The following SORCS2 variants were observed in gnomAD, a reference collection of about 807,000 sequenced individuals.
SORCS2 encodes sortilin related VPS10 domain containing receptor 2.
Under a neutral mutation model 141.6 loss-of-function variants are expected in SORCS2, and 100 were observed. The ratio of observed to expected loss-of-function variants is 0.71; its 90% CI spans 0.60 to 0.83. The LOEUF is 0.83. Among genes scored for constraint, SORCS2 ranks in the 40% least tolerant of loss-of-function variants. The pLI, the probability that SORCS2 is intolerant of heterozygous loss-of-function variation, is 0.00. For synonymous variants in SORCS2, 789 were observed against 676.9 expected (o/e 1.17, Z -2.57); for missense variants, 1,646 against 1,560.2 (o/e 1.05, Z -0.93).
intron 3 of SORCS2, among the ~76,000 whole-genome samples, chr4:7,544,926 G>A (rs1319679718): frequency 6.6e-6 from 1 of 152,194 alleles, no homozygotes; most frequent in Non-Finnish European, 1.5e-5. Flanking sequence ...AACAGAGCTG[G>A]GGCTAAATGG....
intron 1 of SORCS2, among the ~76,000 whole-genome samples, chr4:7,369,335 A>G (rs376038309): frequency 1.1e-3 from 161 of 151,156 alleles, no homozygotes; most frequent in African/African-American, 3.7e-3. Flanking sequence ...CCAAAACACC[A>G]AAAACCTCTT....
intron 2 of SORCS2, among the ~76,000 whole-genome samples, chr4:7,416,815 TAC>T (rs1296596520): frequency 2.7e-5 from 4 of 149,294 alleles, no homozygotes; most frequent in African/African-American, 7.4e-5. Context: ...TGCATGCATG[TAC>T]ACACTTGTGA....
chr4:7,612,377 C>T (rs1475684163), intron 3 of SORCS2, among the ~76,000 whole-genome samples: 1 of 152,322 alleles, frequency 6.6e-6, no homozygotes, highest in Non-Finnish European at 1.5e-5. Flanking sequence ...TCCCAGGCAC[C>T]CTGCCGTGCC....
chr4:7,700,648 T>G lies in SORCS2; in HGVS notation c.1669-2632T>G, dbSNP rs142785556. On this transcript the variant is annotated intron_variant, in intron 12 of 26. Coordinates refer to ENST00000507866, the MANE Select transcript of SORCS2 (RefSeq NM_020777.3). The stretch of plus-strand genomic sequence containing the variant: ...AGGCATTGTGCTTCTCCAAGCACTT[T>G]CCTGAGCTAGCATTAGGACAGAGGA... Among the ~76,000 whole-genome samples the G allele has an allele frequency of 1.4e-4, 22 of 152,356 alleles. No individual in the cohort carries two copies. In the East Asian group the frequency reaches 3.9e-3, roughly 27 times the overall value.
At chr4:7,398,713 A>G (rs1291759946) in intron 2 of SORCS2, among the ~76,000 whole-genome samples, 2 of 152,128 alleles carry the variant, frequency 1.3e-5, no homozygotes, top group Non-Finnish European at 2.9e-5. Context: ...TAGTTTTTCC[A>G]TGTAGTGACA....
At chr4:7,557,747 G>GGGGC (rs1327228079) in intron 3 of SORCS2, among the ~76,000 whole-genome samples, 1 of 152,188 alleles carries the variant, frequency 6.6e-6, no homozygotes, top group Non-Finnish European at 1.5e-5. Context: ...GCCTCTGAAA[G>GGGGC]GGGCAGTGGT....
chr4:7,638,496 A>G lies in SORCS2; in HGVS notation c.813+4A>G. 5 of 1,609,082 alleles carry G rather than the reference A, an allele frequency of 3.1e-6. No individual in the cohort carries two copies. Among genetic ancestry groups the G allele is most frequent in the Non-Finnish European group, 4.2e-6 (5 of 1,178,314 alleles). ...CGCCTACACAAAGGAGAGCAAGGTA[A>G]GATATATGGGTGCCAGTCGCCTGGT... On this transcript the variant is annotated splice_donor_region_variant and intron_variant, in intron 4 of 26. Transcript: ENST00000507866.
intron 2 of SORCS2, among the ~76,000 whole-genome samples, chr4:7,479,860 G>T (rs1730523429): frequency 6.6e-6 from 1 of 152,232 alleles, no homozygotes; most frequent in South Asian, 2.1e-4. Flanking sequence ...GCAATTATTT[G>T]GTACCCACGT....
intron 2 of SORCS2, among the ~76,000 whole-genome samples, chr4:7,489,430 G>C (rs879307231): frequency 6.6e-5 from 10 of 151,758 alleles, no homozygotes; most frequent in Non-Finnish European, 8.8e-5. Context: ...AGTCGTTGCT[G>C]GTGTCTAGGA....
chr4:7,360,162 A>G (rs1225390097), intron 1 of SORCS2, among the ~76,000 whole-genome samples: 1 of 152,136 alleles, frequency 6.6e-6, no homozygotes, highest in African/African-American at 2.4e-5. Flanking sequence ...TGATCCGCCT[A>G]CTCTGTGCCC....
intron 2 of SORCS2, among the ~76,000 whole-genome samples, chr4:7,407,165 T>C (rs1288484679): frequency 6.6e-6 from 1 of 152,102 alleles, no homozygotes; most frequent in African/African-American, 2.4e-5. Flanking sequence ...GGTGAAATGT[T>C]CCATAAATGC....
At chr4:7,555,016 A>C (rs11730831) in intron 3 of SORCS2, among the ~76,000 whole-genome samples, 1 of 152,184 alleles carries the variant, frequency 6.6e-6, no homozygotes. Context: ...TGCTCAGCCC[A>C]GCCGTTCACC....
At position 7,660,251 on chromosome 4, in the gene SORCS2, G is replaced by A. The variant is rs538494032; in HGVS notation, c.888-1249G>A. Among the ~76,000 whole-genome samples the A allele has an allele frequency of 8.5e-5, 13 of 152,334 alleles. No homozygotes were observed. In the South Asian group the frequency reaches 2.5e-3, roughly 29 times the overall value. On this transcript the variant is annotated intron_variant, in intron 5 of 26. Coordinates refer to ENST00000507866, the MANE Select transcript of SORCS2 (RefSeq NM_020777.3). ...CCCAGCAGGGCAATGAAACGGGGAGGGGAGTCAGACAGGGATGAGGTGTGG... is the reference window on the plus strand; with the variant it reads ...CCCAGCAGGGCAATGAAACGGGGAGAGGAGTCAGACAGGGATGAGGTGTGG...
chr4:7,301,902 C>A (rs1204482772), intron 1 of SORCS2, among the ~76,000 whole-genome samples: 1 of 152,194 alleles, frequency 6.6e-6, no homozygotes, highest in Non-Finnish European at 1.5e-5. Flanking sequence ...CAGAGAAACA[C>A]ATCAGTGCCA....
At chr4:7,231,853 T>G (rs2079639892) in intron 1 of SORCS2, among the ~76,000 whole-genome samples, 1 of 152,022 alleles carries the variant, frequency 6.6e-6, no homozygotes. Flanking sequence ...GACAAGGATA[T>G]AAGTGTGGCA....
intron 2 of SORCS2, among the ~76,000 whole-genome samples, chr4:7,496,957 G>A (rs1288519113): frequency 6.6e-6 from 1 of 152,220 alleles, no homozygotes; most frequent in Non-Finnish European, 1.5e-5. Context: ...TTCTGTGATT[G>A]CCTGGCATGT....
chr4:7,690,570 GTGGATAGGCAGA>G (rs1724177201), intron 11 of SORCS2, among the ~76,000 whole-genome samples: 1 of 151,732 alleles, frequency 6.6e-6, no homozygotes, highest in African/African-American at 2.4e-5. Context: ...TGGATGGGTG[GTGGATAGGCAGA>G]TGGATAGGTG....
intron 14 of SORCS2, among the ~76,000 whole-genome samples, chr4:7,707,099 G>A (rs1725520736): frequency 1.3e-5 from 2 of 152,246 alleles, no homozygotes; most frequent in Non-Finnish European, 2.9e-5. Flanking sequence ...AGCTCTGTGG[G>A]CAGCAGCCTG....
chr4:7,245,012 G>A (rs28508524), intron 1 of SORCS2, among the ~76,000 whole-genome samples: 15,428 of 152,184 alleles, frequency 0.1, 1,106 homozygotes, highest in African/African-American at 0.21. Flanking sequence ...AACCCAAGGT[G>A]GCCGCCTACC....
Sources: gnomAD v4.1 joint callset for allele counts (sites outside exome capture counted in the v4.1 genomes callset) on GRCh38, gnomAD v4.1.1 for gene constraint, MANE v1.5 for transcripts, NCBI Gene and HGNC (gene_info 2026-07-23, HGNC 2026-07-21) for gene names.